BPTF: variants seen among roughly 807,000 people sequenced by gnomAD.
BPTF encodes nucleosome-remodeling factor subunit BPTF.
Under a neutral mutation model 292.5 loss-of-function variants are expected in BPTF, and 18 were observed. The ratio of observed to expected loss-of-function variants is 0.06; its 90% CI spans 0.04 to 0.09. The LOEUF (loss-of-function observed/expected upper bound fraction) is 0.09. BPTF is among the 10% of genes least tolerant of loss of function. BPTF has a pLI of 1.00. For synonymous variants in BPTF, 1,225 were observed against 1,251.9 expected (o/e 0.98, Z 0.45); for missense variants, 2,726 against 3,498.7 (o/e 0.78, Z 5.57).
intron 24 of BPTF, 133 bp downstream of exon 24, chr17:67,960,008 G>T: frequency 1.4e-6 from 1 of 713,236 alleles, no homozygotes; most frequent in Non-Finnish European, 2.2e-6. Context: ...TTCATCCATG[G>T]TCTTGCATGT....
chr17:67,865,745 T>C (rs537491082), intron 2 of BPTF, among the ~76,000 whole-genome samples: 4 of 152,340 alleles, frequency 2.6e-5, no homozygotes, highest in African/African-American at 7.2e-5. Flanking sequence ...TTGTTTTAAG[T>C]TAGTGACCAT....
In BPTF at chr17:67,928,410, C is replaced by G. The variant is rs775976716; in HGVS notation, c.5807C>G (p.Thr1936Arg). The G allele has an allele frequency of 6.2e-7, 1 of 1,614,012 alleles. No individual in the cohort carries two copies. Among genetic ancestry groups the G allele is most frequent in the Non-Finnish European group, 8.5e-7 (1 of 1,179,946 alleles). Residue 1936 changes from threonine to arginine, a missense_variant, in exon 16 of 28, where the codon ACA (threonine) becomes AGA (arginine). Around this residue, in one of 22 missense-constraint regions of BPTF, gnomAD observed 198 missense variants for 277.1 expected, o/e 0.71. Coordinates refer to ENST00000306378, the MANE Select transcript of BPTF (RefSeq NM_182641.4). ...ATTGCAACTTCCACTACTTCCCCAACAAGCAGTACAACCAGCACCATCTCT... is the reference window on the plus strand; with the variant it reads ...ATTGCAACTTCCACTACTTCCCCAAGAAGCAGTACAACCAGCACCATCTCT... ...TVIATSTTSP[T>R]SSTTSTISPA...
intron 1 of BPTF, among the ~76,000 whole-genome samples, chr17:67,850,404 G>A (rs576072666): frequency 2.0e-5 from 3 of 152,086 alleles, no homozygotes; most frequent in Non-Finnish European, 2.9e-5. Flanking sequence ...ACAGAGTCTC[G>A]CTCTGTTGCC....
rs538962741 is a variant in BPTF at position 67,847,872 on chromosome 17, A to G, written c.614-6068A>G. Reference sequence around the variant, plus strand: ...AGGTGAATCCTTGTTACATTTGACAACTAAGTTTCATAATTTTTAAAAGAT... The same window carrying G: ...AGGTGAATCCTTGTTACATTTGACAGCTAAGTTTCATAATTTTTAAAAGAT... On this transcript the variant is annotated intron_variant, in intron 1 of 27. Coordinates refer to ENST00000306378, the MANE Select transcript of BPTF (RefSeq NM_182641.4). Among the ~76,000 whole-genome samples, 57 of 152,292 alleles carry G rather than the reference A, an allele frequency of 3.7e-4. No homozygotes were observed. The South Asian group carries it at 0.012, about 32-fold the overall frequency.
intron 7 of BPTF, among the ~76,000 whole-genome samples, chr17:67,894,703 AT>A (rs1391338132): frequency 6.6e-6 from 1 of 152,132 alleles, no homozygotes; most frequent in Non-Finnish European, 1.5e-5. Context: ...AATTTAAAAT[AT>A]TTTCTAAAGT....
intron 23 of BPTF, among the ~76,000 whole-genome samples, chr17:67,952,040 G>T (rs575839796): frequency 4.3e-5 from 5 of 115,850 alleles, no homozygotes; most frequent in Admixed American, 4.2e-4. Flanking sequence ...GGGCGACAGA[G>T]TGAGACTCTG....
intron 18 of BPTF, among the ~76,000 whole-genome samples, chr17:67,933,827 G>C (rs2064651947): frequency 2.0e-5 from 3 of 152,158 alleles, no homozygotes; most frequent in African/African-American, 4.8e-5. Flanking sequence ...AGGAGGCCGA[G>C]ATGGGCAGAT....
chr17:67,910,784 A>C, intron 10 of BPTF, 93 bp from the exon 11 acceptor site: 1 of 924,826 alleles, frequency 1.1e-6, no homozygotes, highest in Non-Finnish European at 1.4e-6. Flanking sequence ...TGGGCAACAG[A>C]GTGAGACTCC....
At chr17:67,938,733 CA>C (rs2065125773) in intron 18 of BPTF, among the ~76,000 whole-genome samples, 1 of 152,026 alleles carries the variant, frequency 6.6e-6, no homozygotes, top group East Asian at 1.9e-4. Context: ...TAATTAAAGC[CA>C]AAATTTTTAA....
rs771675314 is a variant in BPTF, at chr17:67,909,763, T to C, written c.2992+2T>C. On this transcript the variant is annotated splice_donor_variant, in intron 10 of 27. Coordinates refer to ENST00000306378, the MANE Select transcript of BPTF (RefSeq NM_182641.4). LOFTEE classifies it high-confidence loss of function. ...AGATTACTGAGAAGAAGGACCAAGG[T>C]AAGGAGAGTCAGCTGTGGAGGGCAG... 6.5e-7 allele frequency: 1 copy of C among 1,548,688 alleles called. No individual in the cohort carries two copies. The highest frequency in any genetic ancestry group is 2.1e-5 in the Admixed American group (1 of 48,116).
At chr17:67,974,422 C>T (rs1372517696) in intron 26 of BPTF, 1 of 152,114 alleles carries the variant, frequency 6.6e-6, no homozygotes, top group Non-Finnish European at 1.5e-5. Flanking sequence ...AGCCTCAGAC[C>T]CCACCTGAGT....
At chr17:67,870,495 A>G (rs756747560) in intron 3 of BPTF, among the ~76,000 whole-genome samples, 107 of 152,054 alleles carry the variant, frequency 7.0e-4, no homozygotes, top group Non-Finnish European at 1.5e-3. Flanking sequence ...CGATTAAAAC[A>G]CCAGTTCACC....
chr17:67,893,002 G>A (rs2061224434), intron 5 of BPTF, among the ~76,000 whole-genome samples: 1 of 152,038 alleles, frequency 6.6e-6, no homozygotes. Flanking sequence ...GATAGTACAT[G>A]CGATGCCCTT....
chr17:67,825,769 C>T lies in BPTF; in HGVS notation c.45C>T (p.Pro15=), dbSNP rs1422712731. The change falls in exon 1 of 28, where the codon CCC becomes CCT. Residue 15 remains proline (P), a synonymous_variant. Coordinates refer to ENST00000306378, the MANE Select transcript of BPTF (RefSeq NM_182641.4). ...GGCCGCCCAAGCAGCCCGCGGCTCC[C>T]GCTGCGGAGCGCTGCGCCCCGGCCC... ...RGRPPKQPAA[P]AAERCAPAPP... 5.7e-6 allele frequency: 6 copies of T among 1,043,502 alleles called. No individual in the cohort carries two copies. Among genetic ancestry groups the T allele is most frequent in the East Asian group, 1.6e-4 (2 of 12,552 alleles). The allele number at this position is 1,043,502 out of a possible 1,614,324, so 64.6% of individuals were successfully genotyped here.
At position 67,890,046 on chromosome 17, in the gene BPTF, C is replaced by T. The variant is rs12452871; in HGVS notation, c.1865-1798C>T. Among the ~76,000 whole-genome samples the T allele has an allele frequency of 7.1e-3, 1,087 of 152,214 alleles. 6 individuals carry two copies. Among genetic ancestry groups the T allele is most frequent in the Middle Eastern group, 0.017 (5 of 294 alleles). On this transcript the variant is annotated intron_variant, in intron 4 of 27. Transcript: ENST00000306378. ...ATTTTAATTACCATACCTTAAAAAT[C>T]GGGGCTGGAAATTTGTAGAAATTTC... is the stretch of plus-strand genomic sequence containing the variant.
intron 23 of BPTF, among the ~76,000 whole-genome samples, chr17:67,948,581 C>A (rs562630302): frequency 7.2e-5 from 11 of 152,298 alleles, no homozygotes; most frequent in African/African-American, 2.6e-4. Flanking sequence ...AAGAGCTTTT[C>A]ATGTCTATGA....
In BPTF at chr17:67,826,258, G is replaced by A; in HGVS notation, c.534G>A (p.Glu178=). The stretch of plus-strand genomic sequence containing the variant: ...ACGATGACTCCGATTATCCGGAGGA[G>A]ATGGAAGACGACGACGACGACGCCA... ...EDDDDSDYPE[E]MEDDDDDASY... is the part of the protein sequence containing the mutation. Residue 178 remains glutamate (E), a synonymous_variant, in exon 1 of 28, where the codon GAG becomes GAA. Coordinates refer to ENST00000306378, the MANE Select transcript of BPTF (RefSeq NM_182641.4). 6.2e-7 allele frequency: 1 copy of A among 1,613,566 alleles called. No homozygotes were observed. Among genetic ancestry groups the A allele is most frequent in the East Asian group, 2.2e-5 (1 of 44,854 alleles).
rs2058993749 is a variant in BPTF at position 67,860,210 on chromosome 17, A to G, written c.1436+5448A>G. On this transcript the variant is annotated intron_variant, in intron 2 of 27. Transcript: ENST00000306378. ...CAAGTAGGAAACTTTAAACATAGTG[A>G]TATGTGTCAACAATTTTGACAAATC... Among the ~76,000 whole-genome samples, 3 of 152,200 alleles carry G rather than the reference A, an allele frequency of 2.0e-5. No homozygotes were observed. The South Asian group carries it at 6.2e-4, about 32-fold the overall frequency.
intron 23 of BPTF, chr17:67,956,674 A>C (rs1422169470): frequency 4.0e-4 from 61 of 151,840 alleles, no homozygotes; most frequent in African/African-American, 1.3e-3. Flanking sequence ...AAAAAAAAAA[A>C]AAAAAACGGT....
Sources: gnomAD v4.1 joint callset for allele counts (sites outside exome capture counted in the v4.1 genomes callset) on GRCh38, gnomAD v4.1.1 for gene constraint, gnomAD v4.1.1 regional missense constraint, MANE v1.5 for transcripts, NCBI Gene and HGNC (gene_info 2026-07-23, HGNC 2026-07-21) for gene names.